Variants in TRIM14 observed in about 807,000 individuals in gnomAD.
TRIM14 encodes tripartite motif containing 14.
A neutral mutation model predicts 44.5 loss-of-function variants in TRIM14; 28 were observed. The ratio of observed to expected loss-of-function variants is 0.63; its 90% CI spans 0.47 to 0.86. TRIM14 has a LOEUF of 0.86. Among genes scored for constraint, TRIM14 ranks in the 40% least tolerant of loss-of-function variants. TRIM14 has a pLI of 0.00. For synonymous variants in TRIM14, 299 were observed against 269.2 expected, an observed-to-expected ratio of 1.11 and a Z score of -1.08; for missense variants, 607 against 611.1, an observed-to-expected ratio of 0.99 and a Z score of 0.07.
chr9:98,099,607 C>A (rs1173666420), intron 3 of TRIM14, among the ~76,000 whole-genome samples: 1 of 152,126 alleles, frequency 6.6e-6, no homozygotes, highest in East Asian at 1.9e-4. Flanking sequence ...CTTCACTGAG[C>A]CTCAATTTCT....
chr9:98,082,791 A>G, downstream of TRIM14: 1 of 1,536,516 alleles, frequency 6.5e-7, no homozygotes, highest in Non-Finnish European at 8.9e-7. Context: ...AAAGTAAAGT[A>G]GTGTGCACTA....
At chr9:98,070,032 T>C (rs1564159662) in intron 6 of TRIM14, among the ~76,000 whole-genome samples, 1 of 152,196 alleles carries the variant, frequency 6.6e-6, no homozygotes, top group African/African-American at 2.4e-5. Context: ...ATATAGTATC[T>C]CTCTGTGTTC....
Position 98,095,085 on chromosome 9 carries a change from C to T in TRIM14, c.538-56G>A, listed in dbSNP as rs111495494. 1.3e-6 allele frequency: 2 copies of T among 1,567,074 alleles called. No individual in the cohort carries two copies. The highest frequency in any genetic ancestry group is 1.2e-5 in the South Asian group (1 of 85,092). On this transcript the variant is annotated intron_variant, in intron 3 of 5. Coordinates refer to ENST00000341469, the MANE Select transcript of TRIM14 (RefSeq NM_014788.4). This position sits in a 1 kb window ranked among gnomAD's most constrained non-coding sequence, Gnocchi z 4.1. ...CTGGGAGATGCAGGCAGCATCCCAG[C>T]CTCCTGTGCTGCACCCAGGAACAAA...
the TRIM14 span, among the ~76,000 whole-genome samples, chr9:98,049,239 G>A: frequency 1.3e-5 from 2 of 148,966 alleles, no homozygotes; most frequent in African/African-American, 2.5e-5. Flanking sequence ...CTACTCAGGA[G>A]GCTGAGGCAG....
intron 4 of TRIM14, among the ~76,000 whole-genome samples, chr9:98,094,200 T>C (rs1294211237): frequency 1.3e-5 from 2 of 152,268 alleles, no homozygotes; most frequent in Admixed American, 6.5e-5. Context: ...TGATAAATGT[T>C]CTGAATGAAT....
chr9:98,087,877 G>A lies in TRIM14; in HGVS notation c.922C>T (p.Leu308Phe). ...CAGTCACGAGCCAGCACTTGCCAGA[G>A]CGCGTCGAACCGCAGCACGGGCACG... is the stretch of plus-strand genomic sequence containing the variant. ...GPVPVLRFDA[L>F]WQVLARDCFA... The change falls in exon 6 of 6, where the codon CTC becomes TTC. Residue 308 changes from leucine to phenylalanine, a missense_variant. Physicochemically the swap from Leu to Phe is conservative, Grantham distance 22 (BLOSUM62 0). Around this residue, in one of 3 missense-constraint regions of TRIM14, gnomAD observed 356 missense variants for 323.0 expected, o/e 1.10. Coordinates refer to ENST00000341469, the MANE Select transcript of TRIM14 (RefSeq NM_014788.4). 6.4e-7 allele frequency: 1 copy of A among 1,568,328 alleles called. No homozygotes were observed. Among genetic ancestry groups the A allele is most frequent in the Non-Finnish European group, 8.6e-7 (1 of 1,167,398 alleles).
the TRIM14 span, among the ~76,000 whole-genome samples, chr9:98,056,330 G>A: frequency 6.6e-6 from 1 of 152,188 alleles, no homozygotes; most frequent in Non-Finnish European, 1.5e-5. Context: ...CTGGTGACTG[G>A]CATAGGCTGG....
At chr9:98,053,672 CT>C in the TRIM14 span, among the ~76,000 whole-genome samples, 11 of 151,980 alleles carry the variant, frequency 7.2e-5, no homozygotes, top group Admixed American at 7.2e-4. Flanking sequence ...AGAAAGTTGG[CT>C]AATAAGTTGT....
chr9:98,036,696 C>T, the TRIM14 span, among the ~76,000 whole-genome samples: 1 of 151,868 alleles, frequency 6.6e-6, no homozygotes, highest in Non-Finnish European at 1.5e-5. Context: ...CCCAGCTACT[C>T]AGGAGGCTGA....
the TRIM14 span, among the ~76,000 whole-genome samples, chr9:98,058,785 T>C: frequency 2.6e-5 from 4 of 152,162 alleles, no homozygotes; most frequent in Admixed American, 6.6e-5. Context: ...GGAATCTAGG[T>C]GGCTGCAGCC....
the TRIM14 span, among the ~76,000 whole-genome samples, chr9:98,039,665 A>G: frequency 4.6e-5 from 7 of 152,036 alleles, no homozygotes. Flanking sequence ...CCCTACCCAG[A>G]TCGATAAACT....
chr9:98,056,824 G>A, the TRIM14 span: 10 of 1,611,978 alleles, frequency 6.2e-6, no homozygotes, highest in Non-Finnish European at 8.5e-6. Flanking sequence ...GCTGGAGCTG[G>A]AGCTGTGTCC....
the TRIM14 span, among the ~76,000 whole-genome samples, chr9:98,055,789 G>T: frequency 6.6e-6 from 1 of 152,012 alleles, no homozygotes; most frequent in African/African-American, 2.4e-5. Flanking sequence ...CCAGGCTGGA[G>T]TGCAGTGGTG....
intron 1 of TRIM14, among the ~76,000 whole-genome samples, chr9:98,114,722 C>T (rs1373079144): frequency 6.6e-6 from 1 of 152,128 alleles, no homozygotes; most frequent in African/African-American, 2.4e-5. Context: ...AAAACCCTGA[C>T]AAGTACTCTT....
At chr9:98,116,681 AT>A (rs2118717284) in intron 1 of TRIM14, among the ~76,000 whole-genome samples, 1 of 152,046 alleles carries the variant, frequency 6.6e-6, no homozygotes, top group African/African-American at 2.4e-5. Context: ...TACAAAAAAA[AT>A]ACAAAAAAAA....
At chr9:98,094,135 AGAG>A (rs1301200174) in intron 4 of TRIM14, among the ~76,000 whole-genome samples, 1 of 152,248 alleles carries the variant, frequency 6.6e-6, no homozygotes, top group African/African-American at 2.4e-5. Context: ...GAGCACCAAA[AGAG>A]GAGAAGGAGC....
the TRIM14 span, among the ~76,000 whole-genome samples, chr9:98,059,315 G>A: frequency 6.6e-6 from 1 of 152,170 alleles, no homozygotes; most frequent in African/African-American, 2.4e-5. Flanking sequence ...GAGCCACTGC[G>A]CCCGGCAGCC....
Position 98,087,805 on chromosome 9 carries a change from C to T in TRIM14, c.994G>A (p.Gly332Ser), listed in dbSNP as rs1190504628. 6.6e-7 allele frequency: 1 copy of T among 1,510,922 alleles called. No homozygotes were observed. Among genetic ancestry groups the T allele is most frequent in the Non-Finnish European group, 8.8e-7 (1 of 1,141,114 alleles). 93.6% of individuals were successfully genotyped at this position (1,510,922 alleles called of 1,614,324 possible). A position where few individuals can be genotyped will look rare whatever the true frequency, so the allele number is the denominator to read the frequency against. The change falls in exon 6 of 6, where the codon GGC becomes AGC. Residue 332 changes from glycine (G) to serine (S), a missense_variant. By Grantham distance (56) the Gly-to-Ser change is moderately conservative. This residue lies in a region of TRIM14 where 356 missense variants were observed against 323.0 expected (regional missense o/e 1.10). Transcript: ENST00000341469. ...GCCGCGCCCACCCACCAGCCGGCGCCCGCCTCCTGCACGTCAACCTCCCAG... is the reference window on the plus strand; with the variant it reads ...GCCGCGCCCACCCACCAGCCGGCGCTCGCCTCCTGCACGTCAACCTCCCAG... ...HYWEVDVQEAGAGWWVGAAYA... is the reference protein window; with the variant it reads ...HYWEVDVQEASAGWWVGAAYA...
chr9:98,081,476 T>A (rs958902143), downstream of TRIM14: 6 of 183,774 alleles, frequency 3.3e-5, no homozygotes, highest in Non-Finnish European at 6.8e-5. Context: ...CGGTGTTCCC[T>A]GAGGTACCAG....
Sources: gnomAD v4.1 joint callset for allele counts (sites outside exome capture counted in the v4.1 genomes callset) on GRCh38, gnomAD v4.1.1 for gene constraint, gnomAD v4.1.1 regional missense constraint, Gnocchi (gnomAD v3.1) non-coding constraint, MANE v1.5 for transcripts, NCBI Gene and HGNC (gene_info 2026-07-23, HGNC 2026-07-21) for gene names.